The following CPS1 variants were observed in gnomAD, a reference collection of about 807,000 sequenced individuals.
CPS1 encodes carbamoyl-phosphate synthase [ammonia], mitochondrial.
A neutral mutation model predicts 174.6 loss-of-function variants in CPS1; 109 were observed. That is an observed-to-expected ratio of 0.62 (90% confidence interval 0.53 to 0.73). CPS1 has a LOEUF of 0.73. Among genes scored for constraint, CPS1 ranks in the 30% least tolerant of loss-of-function variants. The pLI, the probability that CPS1 is intolerant of heterozygous loss-of-function variation, is 0.00. For synonymous variants in CPS1, 637 were observed against 632.0 expected, an observed-to-expected ratio of 1.01 and a Z score of -0.12; for missense variants, 1,689 against 1,821.9, an observed-to-expected ratio of 0.93 and a Z score of 1.33.
intron 1 of CPS1, among the ~76,000 whole-genome samples, chr2:210,500,925 A>G (rs911058012): frequency 6.6e-6 from 1 of 152,124 alleles, no homozygotes; most frequent in Admixed American, 6.6e-5. Flanking sequence ...CCCTACAGCA[A>G]ATTTCTGCTT....
At chr2:210,606,708 A>G (rs754710765) in intron 17 of CPS1, 23 bp from the exon 18 acceptor site, 6 of 1,603,010 alleles carry the variant, frequency 3.7e-6, no homozygotes, top group Non-Finnish European at 5.1e-6. Flanking sequence ...CCACCAAGTA[A>G]TGAGTGCTTC....
rs1038640184 is a variant in CPS1 at position 210,491,308 on chromosome 2, T to G, written c.3+13542T>G. On this transcript the variant is annotated intron_variant, in intron 1 of 38. Coordinates refer to the CPS1 transcript ENST00000430249. Reference sequence around the variant, plus strand: ...TAAAAGCATGTATTTGGTATCTGTGTTTTTTTTTTTTTTTTTTTTTTTTTT... The same window carrying G: ...TAAAAGCATGTATTTGGTATCTGTGGTTTTTTTTTTTTTTTTTTTTTTTTT... Among the ~76,000 whole-genome samples the G allele has an allele frequency of 3.3e-4, 3 of 9,212 alleles. No individual in the cohort carries two copies. The Admixed American group carries it at 4.3e-3, about 13-fold the overall frequency. The allele number at this position is 9,212 out of a possible 152,430, so 6.0% of individuals were successfully genotyped here.
At chr2:210,562,275 T>C (rs529178899) in intron 1 of CPS1, among the ~76,000 whole-genome samples, 1 of 152,326 alleles carries the variant, frequency 6.6e-6, no homozygotes, top group African/African-American at 2.4e-5. Flanking sequence ...CCCCTTAACA[T>C]TGGCTTATGT....
intron 33 of CPS1, among the ~76,000 whole-genome samples, chr2:210,667,159 A>T (rs936256477): frequency 1.3e-5 from 2 of 152,082 alleles, no homozygotes; most frequent in African/African-American, 4.8e-5. Context: ...AATGCTTGTG[A>T]TTTTTGTACA....
intron 1 of CPS1, among the ~76,000 whole-genome samples, chr2:210,522,710 A>C (rs1695859308): frequency 1.3e-5 from 2 of 151,918 alleles, no homozygotes; most frequent in Non-Finnish European, 2.9e-5. Context: ...GGGTTCATGG[A>C]CCTCATCACC....
intron 1 of CPS1, among the ~76,000 whole-genome samples, chr2:210,506,634 G>T (rs1421244854): frequency 6.6e-6 from 1 of 152,056 alleles, no homozygotes; most frequent in Non-Finnish European, 1.5e-5. Flanking sequence ...CTTGAAAAAA[G>T]ATTAGACAAA....
At chr2:210,664,382 C>T (rs1204723264) in intron 33 of CPS1, among the ~76,000 whole-genome samples, 1 of 151,912 alleles carries the variant, frequency 6.6e-6, no homozygotes, top group African/African-American at 2.4e-5. Flanking sequence ...TCTTGTTGCC[C>T]AGGCTGGAGT....
chr2:210,615,308 A>T (rs1699270794), intron 20 of CPS1, among the ~76,000 whole-genome samples: 1 of 152,012 alleles, frequency 6.6e-6, no homozygotes, highest in Non-Finnish European at 1.5e-5. Context: ...CAAAAGAAAC[A>T]TACATTGACT....
chr2:210,513,470 CATACGTTGT>C (rs1303075947), intron 1 of CPS1, among the ~76,000 whole-genome samples: 1 of 151,530 alleles, frequency 6.6e-6, no homozygotes, highest in Non-Finnish European at 1.5e-5. Flanking sequence ...TATGAGAAGA[CATACGTTGT>C]ATGTCTTCTT....
intron 20 of CPS1, among the ~76,000 whole-genome samples, chr2:210,614,370 G>A (rs1228847177): frequency 6.6e-6 from 1 of 151,872 alleles, no homozygotes; most frequent in African/African-American, 2.4e-5. Flanking sequence ...ACGTGTGCAT[G>A]TGTCTCTATA....
At chr2:210,539,812 C>A (rs1234072265) in intron 1 of CPS1, among the ~76,000 whole-genome samples, 1 of 152,126 alleles carries the variant, frequency 6.6e-6, no homozygotes, top group Non-Finnish European at 1.5e-5. Context: ...TGTCCCCAGG[C>A]TTCTTAATTC....
At chr2:210,508,923 A>G (rs1209406557) in intron 1 of CPS1, among the ~76,000 whole-genome samples, 2 of 152,176 alleles carry the variant, frequency 1.3e-5, no homozygotes, top group Non-Finnish European at 2.9e-5. Flanking sequence ...GGGACCAGAC[A>G]GATTCACAGC....
chr2:210,656,428 C>T, intron 29 of CPS1, 97 bp from the exon 30 acceptor site: 1 of 808,308 alleles, frequency 1.2e-6, no homozygotes, highest in Non-Finnish European at 2.2e-6. Context: ...GTGCTCAGTG[C>T]ATCTGTTAGG....
intron 33 of CPS1, among the ~76,000 whole-genome samples, chr2:210,666,103 T>C (rs1384126203): frequency 6.6e-6 from 1 of 152,064 alleles, no homozygotes; most frequent in Non-Finnish European, 1.5e-5. Context: ...TTCATGTGTC[T>C]TTTGGCTGCA....
intron 1 of CPS1, among the ~76,000 whole-genome samples, chr2:210,538,632 T>G (rs191307095): frequency 6.6e-6 from 1 of 152,302 alleles, no homozygotes; most frequent in Non-Finnish European, 1.5e-5. Context: ...TCAGTGGGGA[T>G]GGTAGGGCTA....
chr2:210,537,737 C>T (rs1183603088), intron 1 of CPS1, among the ~76,000 whole-genome samples: 1 of 152,110 alleles, frequency 6.6e-6, no homozygotes, highest in African/African-American at 2.4e-5. Flanking sequence ...TCATCAGGTA[C>T]TGTTGATGGA....
intron 21 of CPS1, among the ~76,000 whole-genome samples, chr2:210,629,490 T>G (rs1024558802): frequency 6.6e-6 from 1 of 151,768 alleles, no homozygotes; most frequent in Non-Finnish European, 1.5e-5. Context: ...AATTTTTTTG[T>G]ATTTTTAGTA....
chr2:210,615,653 G>A (rs1699281963), intron 20 of CPS1, among the ~76,000 whole-genome samples: 1 of 151,932 alleles, frequency 6.6e-6, no homozygotes, highest in South Asian at 2.1e-4. Context: ...TTTTGGTTTT[G>A]AGAGTTTATC....
At chr2:210,660,357 A>G (rs1574653916) in intron 31 of CPS1, 128 bp from the exon 32 acceptor site, 1 of 907,684 alleles carries the variant, frequency 1.1e-6, no homozygotes, top group Non-Finnish European at 1.8e-6. Context: ...GAGAAAAGAG[A>G]CAAGATTAGC....
Sources: gnomAD v4.1 joint callset for allele counts (sites outside exome capture counted in the v4.1 genomes callset) on GRCh38, gnomAD v4.1.1 for gene constraint, MANE v1.5 for transcripts, NCBI Gene and HGNC (gene_info 2026-07-23, HGNC 2026-07-21) for gene names.